SMIM41: variants seen among roughly 807,000 people sequenced by gnomAD.
SMIM41 encodes small integral membrane protein 41.
In SMIM41 at chr12:52,088,384, G is replaced by A. The variant is rs1281014474; in HGVS notation, c.*195+4416G>A. 4.6e-5 allele frequency among the ~76,000 whole-genome samples: 7 copies of A among 152,298 alleles called. No homozygotes were observed. The East Asian group carries it at 5.8e-4, about 13-fold the overall frequency. On this transcript the variant is annotated intron_variant, in intron 2 of 2. Transcript: ENST00000546390. ...GGCACAGTATTCCTGCCAGAGGGGC[G>A]GGAAGCTCCTGGGGTGGGAATGAGC...
At chr12:52,090,218 G>A (rs532358271) in intron 2 of SMIM41, among the ~76,000 whole-genome samples, 5 of 152,064 alleles carry the variant, frequency 3.3e-5, no homozygotes, top group Admixed American at 2.6e-4. Context: ...TTACAGGCAC[G>A]CAACCACCAC....
chr12:52,082,452 C>T (rs986160750), intron 1 of SMIM41, among the ~76,000 whole-genome samples: 2 of 152,116 alleles, frequency 1.3e-5, no homozygotes, highest in African/African-American at 4.8e-5. Context: ...TGCCAGGGAC[C>T]TCAGTGTTCC....
intron 2 of SMIM41, among the ~76,000 whole-genome samples, chr12:52,090,344 A>T (rs1939977519): frequency 6.6e-6 from 1 of 151,602 alleles, no homozygotes; most frequent in African/African-American, 2.4e-5. Flanking sequence ...CAGCCTCCCA[A>T]AGTGTTGGGA....
chr12:52,103,557 G>C (rs1007144628), intron 2 of SMIM41, among the ~76,000 whole-genome samples: 9 of 151,464 alleles, frequency 5.9e-5, no homozygotes, highest in Non-Finnish European at 1.2e-4. Context: ...TCAGGAGTTC[G>C]AGACCAGCCT....
At chr12:52,084,389 CA>C (rs34593136) in intron 2 of SMIM41, among the ~76,000 whole-genome samples, 138,456 of 149,646 alleles carry the variant, frequency 0.93, 64,074 homozygotes, top group East Asian at 0.99. Flanking sequence ...AAAAAACAAA[CA>C]AAAAAAAACA....
intron 2 of SMIM41, chr12:52,093,481 C>G (rs1297433962): frequency 2.6e-5 from 4 of 152,022 alleles, no homozygotes; most frequent in Non-Finnish European, 5.9e-5. Flanking sequence ...GCCCGGCAAC[C>G]CTGTTGTCTA....
At chr12:52,099,954 A>G (rs1940182538) in intron 2 of SMIM41, among the ~76,000 whole-genome samples, 1 of 151,996 alleles carries the variant, frequency 6.6e-6, no homozygotes, top group Non-Finnish European at 1.5e-5. Flanking sequence ...ATTACTAACA[A>G]GGTCACGGGG....
chr12:52,098,601 C>T (rs1190414935), intron 2 of SMIM41, among the ~76,000 whole-genome samples: 2 of 151,634 alleles, frequency 1.3e-5, no homozygotes, highest in Non-Finnish European at 2.9e-5. Context: ...GATGTACAGA[C>T]CCTGTGACAT....
intron 2 of SMIM41, among the ~76,000 whole-genome samples, chr12:52,087,995 GA>G (rs1294378625): frequency 6.6e-6 from 1 of 152,218 alleles, no homozygotes; most frequent in Non-Finnish European, 1.5e-5. Context: ...CCGTGGCTCT[GA>G]AATCAGCAGC....
chr12:52,095,005 G>A (rs574411410), intron 2 of SMIM41, among the ~76,000 whole-genome samples: 2 of 150,506 alleles, frequency 1.3e-5, no homozygotes, highest in Non-Finnish European at 3.0e-5. Context: ...GAGTGCAGTG[G>A]TGTGATCTCC....
At chr12:52,100,051 A>ATTGG (rs1940185656) in intron 2 of SMIM41, among the ~76,000 whole-genome samples, 1 of 152,168 alleles carries the variant, frequency 6.6e-6, no homozygotes, top group South Asian at 2.1e-4. Context: ...GGGGGTGTAC[A>ATTGG]CACCCTGTGA....
At chr12:52,080,857 C>T (rs1939808640) in intron 1 of SMIM41, among the ~76,000 whole-genome samples, 1 of 151,954 alleles carries the variant, frequency 6.6e-6, no homozygotes, top group South Asian at 2.1e-4. Context: ...CTTCCCTGGA[C>T]CCTGCTCAGG....
chr12:52,086,828 G>A (rs1237639379), intron 2 of SMIM41, among the ~76,000 whole-genome samples: 1 of 148,798 alleles, frequency 6.7e-6, no homozygotes, highest in Non-Finnish European at 1.5e-5. Context: ...AGTGTAGATT[G>A]CTTGGCTCAT....
At chr12:52,086,306 C>G (rs1939891674) in intron 2 of SMIM41, among the ~76,000 whole-genome samples, 1 of 152,040 alleles carries the variant, frequency 6.6e-6, no homozygotes. Context: ...GAGCTGCAAC[C>G]ACCACTACCC....
intron 2 of SMIM41, among the ~76,000 whole-genome samples, chr12:52,099,049 T>G (rs1243320546): frequency 6.6e-6 from 1 of 151,740 alleles, no homozygotes; most frequent in Non-Finnish European, 1.5e-5. Context: ...TCACAGGCTG[T>G]GTACACCCCC....
At chr12:52,104,714 T>C (rs1940296328) in intron 2 of SMIM41, among the ~76,000 whole-genome samples, 1 of 152,032 alleles carries the variant, frequency 6.6e-6, no homozygotes, top group Non-Finnish European at 1.5e-5. Flanking sequence ...AAATTTTGCT[T>C]TCCTCCCCCA....
At position 52,107,930 on chromosome 12, in the gene SMIM41, C is replaced by T. The variant is rs1021630741; in HGVS notation, c.*747C>T. 1.1e-5 allele frequency: 3 copies of T among 271,622 alleles called. No homozygotes were observed. In the South Asian group the frequency reaches 1.2e-4, roughly 10 times the overall value. 16.8% of individuals were successfully genotyped at this position (271,622 alleles called of 1,614,324 possible). A position where few individuals can be genotyped will look rare whatever the true frequency, so the allele number is the denominator to read the frequency against. On this transcript the variant is annotated 3_prime_UTR_variant, in exon 3 of 3. Coordinates refer to ENST00000546390, the MANE Select transcript of SMIM41 (RefSeq NM_001369216.1). ...GTGACACCTTCATCAATAACATAAT[C>T]ATGTATTTCCCTACTGCCATATTTG...
intron 2 of SMIM41, chr12:52,087,526 C>T (rs1040876487): frequency 2.6e-5 from 4 of 152,598 alleles, no homozygotes; most frequent in African/African-American, 7.2e-5. Flanking sequence ...AGCGGCTGCT[C>T]TCCTGGCCAC....
At chr12:52,102,845 G>C (rs1940246357) in intron 2 of SMIM41, among the ~76,000 whole-genome samples, 1 of 152,204 alleles carries the variant, frequency 6.6e-6, no homozygotes, top group Admixed American at 6.5e-5. Flanking sequence ...TCCCGCAGTT[G>C]CACTTGTGGG....
Sources: allele counts gnomAD v4.1 joint callset (sites outside exome capture counted in the v4.1 genomes callset), GRCh38; gene constraint gnomAD v4.1.1; transcripts MANE v1.5; gene names NCBI Gene and HGNC (gene_info 2026-07-23, HGNC 2026-07-21).